Variants in LSG1 observed in about 807,000 individuals in gnomAD.
LSG1 encodes the protein large subunit GTPase 1 homolog.
Under a neutral mutation model 82.6 loss-of-function variants are expected in LSG1, and 55 were observed. That is an observed-to-expected ratio of 0.67 (90% CI 0.54 to 0.83). LSG1 has a LOEUF of 0.83. LSG1 is among the 40% of genes least tolerant of loss of function. The pLI is 0.00. For synonymous variants in LSG1, 272 were observed against 282.5 expected (o/e 0.96, Z 0.37); for missense variants, 809 against 807.9 (o/e 1.00, Z -0.02).
chr3:194,658,459 T>C lies in LSG1; in HGVS notation c.759+498A>G, dbSNP rs568644782. 2.6e-5 allele frequency among the ~76,000 whole-genome samples: 4 copies of C among 152,334 alleles called. No homozygotes were observed. In the South Asian group the frequency reaches 8.3e-4, roughly 32 times the overall value. Reference sequence around the variant, plus strand: ...ACGGCACCTGGCCCTCTTATAGATATTATTTTATTCAAAAGTAAAAATAAA... The same window carrying C: ...ACGGCACCTGGCCCTCTTATAGATACTATTTTATTCAAAAGTAAAAATAAA... On this transcript the variant is annotated intron_variant, in intron 7 of 13. Coordinates refer to ENST00000265245, the MANE Select transcript of LSG1 (RefSeq NM_018385.3).
Position 194,672,139 on chromosome 3 carries a change from G to T in LSG1, c.24C>A (p.Ala8=). ...TAAGGGCCCGTCCCAGCGACCCACC[G>T]GCCGGGGCTCTCCTCCGGCCCATGG... MGRRRAP[A]GGSLGRALMR... The change falls in exon 1 of 14, where the codon GCC becomes GCA. Residue 8 remains alanine, a synonymous_variant. Coordinates refer to ENST00000265245, the MANE Select transcript of LSG1 (RefSeq NM_018385.3). 1 of 1,605,256 alleles carries T rather than the reference G, an allele frequency of 6.2e-7. No homozygotes were observed. Among genetic ancestry groups the T allele is most frequent in the Non-Finnish European group, 8.5e-7 (1 of 1,179,930 alleles).
chr3:194,642,035 C>A lies in LSG1; in HGVS notation c.*33G>T. On this transcript the variant is annotated 3_prime_UTR_variant, in exon 14 of 14. Transcript: ENST00000265245. ...CAGCTTCTGCTCTTTTCCATCTGCA[C>A]AATGCAGATGACATTTCTGTTGCAG... 2 of 1,602,960 alleles carry A rather than the reference C, an allele frequency of 1.2e-6. No individual in the cohort carries two copies. The highest frequency in any genetic ancestry group is 1.1e-5 in the South Asian group (1 of 90,086).
intron 5 of LSG1, among the ~76,000 whole-genome samples, chr3:194,661,844 A>G (rs1221054290): frequency 6.6e-6 from 1 of 152,230 alleles, no homozygotes; most frequent in Non-Finnish European, 1.5e-5. Context: ...CATAACAAAA[A>G]TAAGAGAGCA....
intron 11 of LSG1, 94 bp downstream of exon 11, chr3:194,648,587 C>A: frequency 7.7e-7 from 1 of 1,306,492 alleles, no homozygotes; most frequent in Admixed American, 2.1e-5. Context: ...TGTATCTTTG[C>A]AGAACAGCAA....
At chr3:194,644,820 A>G (rs1718486584) in intron 12 of LSG1, 74 bp from the exon 13 acceptor site, 1 of 1,240,444 alleles carries the variant, frequency 8.1e-7, no homozygotes, top group East Asian at 2.6e-5. Flanking sequence ...AGCTCCACCC[A>G]GTCACACTCT....
intron 11 of LSG1, among the ~76,000 whole-genome samples, chr3:194,647,184 T>C (rs560367004): frequency 1.3e-5 from 2 of 152,354 alleles, no homozygotes; most frequent in Non-Finnish European, 1.5e-5. Context: ...TACAGGAAGA[T>C]AGTTTTATCT....
intron 5 of LSG1, among the ~76,000 whole-genome samples, chr3:194,664,593 T>C (rs142211663): frequency 6.6e-6 from 1 of 152,222 alleles, no homozygotes; most frequent in Non-Finnish European, 1.5e-5. Flanking sequence ...GTCAAAATCA[T>C]TCTCTTCTTT....
chr3:194,667,942 A>AAAAAAAAAAAAAAATAT (rs1416407494), intron 2 of LSG1, among the ~76,000 whole-genome samples: 6 of 86,962 alleles, frequency 6.9e-5, no homozygotes, highest in East Asian at 4.2e-4. Flanking sequence ...AAAAAAAAAA[A>AAAAAAAAAAAAAAATAT]ATATATATAT....
intron 5 of LSG1, among the ~76,000 whole-genome samples, chr3:194,665,188 C>T (rs1274762877): frequency 6.6e-6 from 1 of 152,212 alleles, no homozygotes; most frequent in African/African-American, 2.4e-5. Flanking sequence ...CTGACAGGAG[C>T]TCTGACATTC....
At chr3:194,654,790 A>G (rs953459780) in intron 7 of LSG1, among the ~76,000 whole-genome samples, 4 of 152,206 alleles carry the variant, frequency 2.6e-5, no homozygotes, top group Admixed American at 2.6e-4. Context: ...AATTAAAAGA[A>G]AGAAGGAAAA....
In LSG1 at chr3:194,644,766, G is replaced by A. The variant is rs762995206; in HGVS notation, c.1624-20C>T. 1.9e-6 allele frequency: 3 copies of A among 1,592,754 alleles called. No homozygotes were observed. The highest frequency in any genetic ancestry group is 2.6e-6 in the Non-Finnish European group (3 of 1,168,244). ...CTTACCCTACAAAGACAACATGAAT[G>A]ACAACAGTGCAGCCTAAGTGCCATC... On this transcript the variant is annotated intron_variant, in intron 12 of 13. Coordinates refer to ENST00000265245, the MANE Select transcript of LSG1 (RefSeq NM_018385.3).
At position 194,644,611 on chromosome 3, in the gene LSG1, G is replaced by A; in HGVS notation, c.1759C>T (p.Gln587Ter). 1 of 1,612,466 alleles carries A rather than the reference G, an allele frequency of 6.2e-7. No homozygotes were observed. Among genetic ancestry groups the A allele is most frequent in the Non-Finnish European group, 8.5e-7 (1 of 1,179,456 alleles). The stretch of plus-strand genomic sequence containing the variant: ...GTTTTGTCAACGATATTTTCAATCT[G>A]CTTTGCTTTTTTATTTCTGCCTAGC... Reference protein sequence around the residue: ...MQLGRNKKAKQIENIVDKTFF... With the variant: ...MQLGRNKKAK Residue 587 changes from glutamine (Q) to a stop codon, truncating the protein, a stop_gained, in exon 13 of 14, where the codon CAG becomes TAG. Transcript: ENST00000265245. LOFTEE classifies it high-confidence loss of function.
chr3:194,642,229 T>C lies in LSG1; in HGVS notation c.1816A>G (p.Thr606Ala). Residue 606 changes from threonine (T) to alanine (A), a missense_variant, in exon 14 of 14, where the codon ACC becomes GCC. Thr to Ala is a moderately conservative substitution (Grantham distance 58, BLOSUM62 0). Coordinates refer to ENST00000265245, the MANE Select transcript of LSG1 (RefSeq NM_018385.3). Reference protein sequence around the residue: ...FFHQENVRALTKGVQAVMGYK... With the variant: ...FFHQENVRALAKGVQAVMGYK... Reference sequence around the variant, plus strand: ...CCCATCACAGCCTGGACTCCTTTGGTCAAAGCCCTCACATTCTCCTAGGAA... The same window carrying C: ...CCCATCACAGCCTGGACTCCTTTGGCCAAAGCCCTCACATTCTCCTAGGAA... The C allele has an allele frequency of 1.9e-6, 3 of 1,612,876 alleles. No individual in the cohort carries two copies. Among genetic ancestry groups the C allele is most frequent in the Non-Finnish European group, 2.5e-6 (3 of 1,179,704 alleles).
Position 194,667,447 on chromosome 3 carries a change from A to G in LSG1, c.227-875T>C, listed in dbSNP as rs572366403. 2.2e-4 allele frequency among the ~76,000 whole-genome samples: 34 copies of G among 151,706 alleles called. No individual in the cohort carries two copies. In the South Asian group the frequency reaches 4.6e-3, roughly 21 times the overall value. On this transcript the variant is annotated intron_variant, in intron 2 of 13. Coordinates refer to ENST00000265245, the MANE Select transcript of LSG1 (RefSeq NM_018385.3). ...ATAACCTAAGAACATACTACCATTA[A>G]CCCTGATCCTTCTCATACACACCCT...
chr3:194,650,116 C>T (rs1371163082), intron 10 of LSG1, among the ~76,000 whole-genome samples: 3 of 152,126 alleles, frequency 2.0e-5, no homozygotes, highest in Non-Finnish European at 4.4e-5. Context: ...GACAGGGTTT[C>T]GCCATGTTGG....
At chr3:194,650,556 C>T (rs1248187172) in intron 10 of LSG1, among the ~76,000 whole-genome samples, 1 of 152,170 alleles carries the variant, frequency 6.6e-6, no homozygotes, top group Non-Finnish European at 1.5e-5. Context: ...AGATTTTCCC[C>T]CACTTAGAGA....
At chr3:194,646,758 T>C (rs1334947472) in intron 11 of LSG1, among the ~76,000 whole-genome samples, 1 of 152,174 alleles carries the variant, frequency 6.6e-6, no homozygotes, top group Non-Finnish European at 1.5e-5. Context: ...TGACCTCAGG[T>C]GATCCACCCA....
intron 7 of LSG1, among the ~76,000 whole-genome samples, chr3:194,657,797 G>A (rs1375394679): frequency 6.6e-6 from 1 of 152,160 alleles, no homozygotes; most frequent in Non-Finnish European, 1.5e-5. Context: ...AGATCAAAGG[G>A]TAGGGTGGCT....
chr3:194,656,889 A>G (rs1252771395), intron 7 of LSG1, among the ~76,000 whole-genome samples: 4 of 152,128 alleles, frequency 2.6e-5, no homozygotes, highest in Non-Finnish European at 2.9e-5. Context: ...TCAGCAAACT[A>G]TTGCAAGGAC....
Sources: allele counts gnomAD v4.1 joint callset (sites outside exome capture counted in the v4.1 genomes callset), GRCh38; gene constraint gnomAD v4.1.1; transcripts MANE v1.5; gene names NCBI Gene and HGNC (gene_info 2026-07-23, HGNC 2026-07-21).